FHOD3: variants seen among roughly 807,000 people sequenced by gnomAD.
FHOD3 encodes FH1/FH2 domain-containing protein 3.
In FHOD3, 90 loss-of-function variants were observed where a neutral mutation model predicts 173.0. The ratio of observed to expected loss-of-function variants is 0.52; its 90% CI spans 0.44 to 0.62. FHOD3 has a LOEUF of 0.62. Ranked by LOEUF, FHOD3 falls within the 20% of genes least tolerant of loss-of-function variation. The pLI is 0.00. For synonymous variants in FHOD3, 828 were observed against 823.0 expected, an observed-to-expected ratio of 1.01 and a Z score of -0.10; for missense variants, 1,945 against 2,034.7, an observed-to-expected ratio of 0.96 and a Z score of 0.85.
chr18:36,769,969 C>T (rs2043306251), intron 28 of FHOD3, among the ~76,000 whole-genome samples: 1 of 152,080 alleles, frequency 6.6e-6, no homozygotes, highest in South Asian at 2.1e-4. Flanking sequence ...TTCCTTTTCC[C>T]ACCAAATAGA....
Position 36,668,573 on chromosome 18 carries a change from G to A in FHOD3, c.1835+10385G>A, listed in dbSNP as rs77938363. Among the ~76,000 whole-genome samples, 383 of 151,848 alleles carry A rather than the reference G, an allele frequency of 2.5e-3. 3 individuals are homozygous for A. The highest frequency in any genetic ancestry group is 8.6e-3 in the African/African-American group (357 of 41,458). ...CTCTTTTTTTCAGTTAGGAGATGAGGTCATTGATTTGAGACTTTTTATCTT... is the reference window on the plus strand; with the variant it reads ...CTCTTTTTTTCAGTTAGGAGATGAGATCATTGATTTGAGACTTTTTATCTT... On this transcript the variant is annotated intron_variant, in intron 14 of 28. Transcript: ENST00000590592.
chr18:36,476,610 G>T (rs549594381), intron 3 of FHOD3, among the ~76,000 whole-genome samples: 1 of 152,314 alleles, frequency 6.6e-6, no homozygotes, highest in South Asian at 2.1e-4. Context: ...TCTTAAGCCA[G>T]TATGAGTCAC....
chr18:36,716,010 G>C (rs1049973558), intron 18 of FHOD3, among the ~76,000 whole-genome samples: 3 of 152,248 alleles, frequency 2.0e-5, no homozygotes, highest in Non-Finnish European at 4.4e-5. Flanking sequence ...GGGAGTGTTG[G>C]TGGTGGTGTG....
chr18:36,381,531 C>T (rs1158977184), intron 3 of FHOD3, among the ~76,000 whole-genome samples: 1 of 152,150 alleles, frequency 6.6e-6, no homozygotes, highest in Non-Finnish European at 1.5e-5. Flanking sequence ...GATGAGGGTG[C>T]CAGGCAGAGG....
intron 5 of FHOD3, among the ~76,000 whole-genome samples, chr18:36,543,683 G>A (rs371321875): frequency 6.6e-5 from 10 of 152,146 alleles, no homozygotes; most frequent in Non-Finnish European, 8.8e-5. Flanking sequence ...AGCAAGCCCC[G>A]CGTACTGGCC....
chr18:36,657,797 G>T (rs151047573), intron 13 of FHOD3, among the ~76,000 whole-genome samples: 1 of 152,094 alleles, frequency 6.6e-6, no homozygotes, highest in Non-Finnish European at 1.5e-5. Context: ...TAATTTTAAC[G>T]TACATTTTAA....
At chr18:36,615,645 TA>T (rs557853373) in intron 9 of FHOD3, among the ~76,000 whole-genome samples, 345 of 152,330 alleles carry the variant, frequency 2.3e-3, no homozygotes, top group Non-Finnish European at 1.2e-3. Flanking sequence ...ATAATATATA[TA>T]ACTAGTCCCT....
At chr18:36,466,555 G>A (rs921780971) in intron 3 of FHOD3, among the ~76,000 whole-genome samples, 1 of 152,192 alleles carries the variant, frequency 6.6e-6, no homozygotes, top group Admixed American at 6.5e-5. Context: ...GAGGCAGAGG[G>A]CTTATAGATC....
At chr18:36,677,785 C>G (rs945883330) in intron 14 of FHOD3, among the ~76,000 whole-genome samples, 4 of 152,054 alleles carry the variant, frequency 2.6e-5, no homozygotes, top group South Asian at 2.1e-4. Flanking sequence ...CATGAAAAAT[C>G]CTTTTGGGAT....
chr18:36,720,253 T>C (rs1240592284), intron 19 of FHOD3, among the ~76,000 whole-genome samples: 2 of 150,672 alleles, frequency 1.3e-5, no homozygotes, highest in East Asian at 3.9e-4. Context: ...TTTTTTTTTT[T>C]TTGAGGCAGA....
At chr18:36,481,154 G>A (rs929458822) in intron 3 of FHOD3, among the ~76,000 whole-genome samples, 1 of 150,602 alleles carries the variant, frequency 6.6e-6, no homozygotes, top group Non-Finnish European at 1.5e-5. Flanking sequence ...AAGGAGAAAA[G>A]CAACAGGACT....
chr18:36,387,874 T>A (rs1286969481), intron 3 of FHOD3, among the ~76,000 whole-genome samples: 2 of 152,000 alleles, frequency 1.3e-5, no homozygotes, highest in East Asian at 3.9e-4. Flanking sequence ...CCAGTGAGAC[T>A]GTGTGACCAT....
intron 15 of FHOD3, among the ~76,000 whole-genome samples, chr18:36,685,343 C>T (rs533818295): frequency 6.6e-6 from 1 of 152,146 alleles, no homozygotes; most frequent in Non-Finnish European, 1.5e-5. Flanking sequence ...ATGGTGACTG[C>T]AGTTCCATAT....
intron 10 of FHOD3, among the ~76,000 whole-genome samples, chr18:36,629,076 T>C (rs1366925003): frequency 6.6e-6 from 1 of 152,250 alleles, no homozygotes; most frequent in African/African-American, 2.4e-5. Flanking sequence ...TATATTTTAA[T>C]ATACGTGGAA....
intron 20 of FHOD3, among the ~76,000 whole-genome samples, chr18:36,740,405 T>C (rs1238471183): frequency 6.6e-6 from 1 of 152,208 alleles, no homozygotes; most frequent in East Asian, 1.9e-4. Flanking sequence ...AGCTGTTCTC[T>C]AATCTTGTGT....
At chr18:36,347,791 A>T (rs759584897) in intron 1 of FHOD3, among the ~76,000 whole-genome samples, 2 of 152,252 alleles carry the variant, frequency 1.3e-5, no homozygotes, top group Non-Finnish European at 2.9e-5. Flanking sequence ...AATTGATTTC[A>T]TGTAGTCTTT....
intron 3 of FHOD3, among the ~76,000 whole-genome samples, chr18:36,395,376 CACTT>C (rs1416931303): frequency 1.3e-5 from 2 of 151,824 alleles, no homozygotes; most frequent in Non-Finnish European, 2.9e-5. Flanking sequence ...AAACTATACT[CACTT>C]CACTTTAGCT....
At chr18:36,637,096 C>T (rs191295280) in intron 10 of FHOD3, among the ~76,000 whole-genome samples, 28 of 152,192 alleles carry the variant, frequency 1.8e-4, no homozygotes, top group Middle Eastern at 3.4e-3. Context: ...AGCAAGCCAC[C>T]AGATCTCTAG....
intron 18 of FHOD3, among the ~76,000 whole-genome samples, chr18:36,712,297 C>T (rs2040210395): frequency 6.6e-6 from 1 of 152,154 alleles, no homozygotes. Flanking sequence ...TGAGATGAGC[C>T]AGACATTGGA....
Sources: allele counts gnomAD v4.1 joint callset (sites outside exome capture counted in the v4.1 genomes callset), GRCh38; gene constraint gnomAD v4.1.1; transcripts MANE v1.5; gene names NCBI Gene and HGNC (gene_info 2026-07-23, HGNC 2026-07-21).